DSCAML1: variants seen among roughly 807,000 people sequenced by gnomAD.
The protein encoded by DSCAML1 is cell adhesion molecule DSCAML1.
A neutral mutation model predicts 200.5 loss-of-function variants in DSCAML1; 38 were observed. That is an observed-to-expected ratio of 0.19 (90% CI 0.15 to 0.25). DSCAML1 has a LOEUF of 0.25. Among genes scored for constraint, DSCAML1 ranks in the 10% least tolerant of loss-of-function variants. The probability of loss-of-function intolerance (pLI) is 1.00; values close to 1 mark genes in which losing one functional copy is unlikely to be tolerated. For synonymous variants in DSCAML1, 1,215 were observed against 1,165.0 expected (o/e 1.04, Z -0.87); for missense variants, 2,223 against 2,858.8 (o/e 0.78, Z 5.07).
chr11:117,803,248 C>G (rs894794397), intron 1 of DSCAML1, among the ~76,000 whole-genome samples: 1 of 152,116 alleles, frequency 6.6e-6, no homozygotes, highest in Non-Finnish European at 1.5e-5. Flanking sequence ...ACTGTGGCCT[C>G]AGGTGCCTGC....
At chr11:117,790,199 C>T (rs2055434861) in intron 1 of DSCAML1, among the ~76,000 whole-genome samples, 1 of 152,218 alleles carries the variant, frequency 6.6e-6, no homozygotes. Context: ...TGGGACTGTG[C>T]CTACTGCTCT....
intron 18 of DSCAML1, among the ~76,000 whole-genome samples, 169 bp from the exon 19 acceptor site, chr11:117,459,078 G>A (rs934862654): frequency 2.0e-5 from 3 of 152,210 alleles, no homozygotes; most frequent in South Asian, 2.1e-4. Flanking sequence ...GAGCAGATGC[G>A]GGCCACTGCC....
In DSCAML1 at chr11:117,428,784, G is replaced by C. The variant is rs147001010; in HGVS notation, c.5706C>G (p.Pro1902=). Residue 1902 remains proline (P), a synonymous_variant, in exon 33 of 33, where the codon CCC becomes CCG. Coordinates refer to ENST00000651296, the MANE Select transcript of DSCAML1 (RefSeq NM_020693.4). ...RANKSDYCNL[P]LYAKSEAFFR... Reference sequence around the variant, plus strand: ...AGAAGGCCTCTGACTTGGCATACAGGGGCAGGTTGCAGTAGTCACCTGGAA... The same window carrying C: ...AGAAGGCCTCTGACTTGGCATACAGCGGCAGGTTGCAGTAGTCACCTGGAA... 1.4e-5 allele frequency: 22 copies of C among 1,605,726 alleles called. No homozygotes were observed. In the African/African-American group the frequency reaches 2.1e-4, roughly 16 times the overall value.
chr11:117,654,290 C>T (rs1461535601), intron 3 of DSCAML1, among the ~76,000 whole-genome samples: 1 of 152,144 alleles, frequency 6.6e-6, no homozygotes, highest in African/African-American at 2.4e-5. Flanking sequence ...TTGCACATAT[C>T]TGTGAGTATA....
chr11:117,743,489 C>T (rs1377404979), intron 3 of DSCAML1, among the ~76,000 whole-genome samples: 1 of 152,236 alleles, frequency 6.6e-6, no homozygotes, highest in Non-Finnish European at 1.5e-5. Context: ...CCAAGCTCCA[C>T]AGGGAGCCAT....
chr11:117,716,630 A>G (rs4938432), intron 3 of DSCAML1, among the ~76,000 whole-genome samples: 143,486 of 152,200 alleles, frequency 0.94, 67,950 homozygotes, highest in South Asian at 0.99. Context: ...ATTCAGCCAG[A>G]GTAAGAATCC....
chr11:117,473,932 T>C (rs1187219999), intron 14 of DSCAML1, among the ~76,000 whole-genome samples: 1 of 152,126 alleles, frequency 6.6e-6, no homozygotes. Flanking sequence ...CCCTTCTCTC[T>C]GTGGCATCCT....
At chr11:117,534,859 G>A (rs1377514346) in intron 3 of DSCAML1, among the ~76,000 whole-genome samples, 1 of 152,218 alleles carries the variant, frequency 6.6e-6, no homozygotes, top group East Asian at 1.9e-4. Flanking sequence ...GGATCCTTCT[G>A]CCTTGGCCCT....
At position 117,505,306 on chromosome 11, in the gene DSCAML1, A is replaced by T. The variant is rs1376636235; in HGVS notation, c.2062+148T>A. ...AGGGCTTCGGTTTCCTGCCCTGGAAAATAAGAGGTTTAGGCTCCAACAGGC... is the reference window on the plus strand; with the variant it reads ...AGGGCTTCGGTTTCCTGCCCTGGAATATAAGAGGTTTAGGCTCCAACAGGC... On this transcript the variant is annotated intron_variant, in intron 9 of 32. Coordinates refer to ENST00000651296, the MANE Select transcript of DSCAML1 (RefSeq NM_020693.4). The surrounding 1 kb of genome is among the most constrained non-coding windows in gnomAD (Gnocchi z 6.7). 2 of 1,186,776 alleles carry T rather than the reference A, an allele frequency of 1.7e-6. No homozygotes were observed. The highest frequency in any genetic ancestry group is 2.3e-6 in the Non-Finnish European group (2 of 867,342). The allele number at this position is 1,186,776 out of a possible 1,614,324, so 73.5% of individuals were successfully genotyped here. A position where few individuals can be genotyped will look rare whatever the true frequency, so the allele number is the denominator to read the frequency against.
intron 1 of DSCAML1, among the ~76,000 whole-genome samples, chr11:117,802,889 G>A (rs1258348674): frequency 1.3e-5 from 2 of 152,156 alleles, no homozygotes; most frequent in Non-Finnish European, 2.9e-5. Flanking sequence ...GGCATATTTG[G>A]GATGTTTAAT....
chr11:117,619,195 C>A (rs897389804), intron 3 of DSCAML1, among the ~76,000 whole-genome samples: 2 of 152,256 alleles, frequency 1.3e-5, no homozygotes, highest in Non-Finnish European at 2.9e-5. Context: ...TCTACTCCAG[C>A]CCCTGGTGGC....
chr11:117,706,956 A>G (rs749479262), intron 3 of DSCAML1, among the ~76,000 whole-genome samples: 6 of 152,232 alleles, frequency 3.9e-5, no homozygotes, highest in Non-Finnish European at 8.8e-5. Context: ...TCATGTGGCC[A>G]GCGTTCTAGC....
chr11:117,440,293 G>T (rs913238316), intron 21 of DSCAML1, among the ~76,000 whole-genome samples: 1 of 152,320 alleles, frequency 6.6e-6, no homozygotes, highest in South Asian at 2.1e-4. Flanking sequence ...AGGAAGCCTA[G>T]GGGTGCGAGG....
intron 4 of DSCAML1, 73 bp downstream of exon 4, chr11:117,532,303 T>C: frequency 6.6e-7 from 1 of 1,518,414 alleles, no homozygotes; most frequent in South Asian, 1.3e-5. Context: ...CGGTGGGGCG[T>C]GCCAAGTTCC....
chr11:117,706,804 C>T (rs955351769), intron 3 of DSCAML1, among the ~76,000 whole-genome samples: 1 of 152,196 alleles, frequency 6.6e-6, no homozygotes, highest in Non-Finnish European at 1.5e-5. Context: ...CAGAAGTCTT[C>T]CACAGAACCA....
intron 3 of DSCAML1, among the ~76,000 whole-genome samples, chr11:117,624,357 G>A (rs1020952132): frequency 6.6e-6 from 1 of 152,142 alleles, no homozygotes; most frequent in Non-Finnish European, 1.5e-5. Flanking sequence ...TGTGGCTCTT[G>A]ATAGAGTAGT....
chr11:117,638,352 GTGTGTGTGTGTGTT>G (rs1290569002), intron 3 of DSCAML1, among the ~76,000 whole-genome samples: 1 of 150,848 alleles, frequency 6.6e-6, no homozygotes. Flanking sequence ...GTGTGTGTGT[GTGTGTGTGTGTGTT>G]TGCAACCGCT....
intron 19 of DSCAML1, among the ~76,000 whole-genome samples, chr11:117,453,033 C>A (rs2048309126): frequency 6.6e-6 from 1 of 152,174 alleles, no homozygotes; most frequent in South Asian, 2.1e-4. Context: ...CTCCCGGGTT[C>A]CAGCAATTCT....
At chr11:117,704,511 C>G (rs920116251) in intron 3 of DSCAML1, among the ~76,000 whole-genome samples, 2 of 152,120 alleles carry the variant, frequency 1.3e-5, no homozygotes, top group South Asian at 2.1e-4. Context: ...GTAGTTGAAA[C>G]TCAGACTTGC....
Sources: gnomAD v4.1 joint callset for allele counts (sites outside exome capture counted in the v4.1 genomes callset) on GRCh38, gnomAD v4.1.1 for gene constraint, Gnocchi (gnomAD v3.1) non-coding constraint, MANE v1.5 for transcripts, NCBI Gene and HGNC (gene_info 2026-07-23, HGNC 2026-07-21) for gene names.